The following C11orf65 variants were observed in gnomAD, a reference collection of about 807,000 sequenced individuals.
C11orf65 encodes protein MFI.
C11orf65 carries 38 observed loss-of-function variants against 35.3 expected under a neutral mutation model. The ratio of observed to expected loss-of-function variants is 1.08; its 90% CI spans 0.83 to 1.41. The LOEUF is 1.41. Ranked by LOEUF, C11orf65 falls within the 40% of genes most tolerant of loss-of-function variation. The probability of loss-of-function intolerance (pLI) is 0.00; values close to 1 mark genes in which losing one functional copy is unlikely to be tolerated. For missense variants in C11orf65, 370 were observed against 367.1 expected, an observed-to-expected ratio of 1.01 and a Z score of -0.06; for synonymous variants, 105 against 114.4, an observed-to-expected ratio of 0.92 and a Z score of 0.53.
downstream of C11orf65, among the ~76,000 whole-genome samples, chr11:108,330,675 G>A (rs2086160230): frequency 6.6e-6 from 1 of 152,198 alleles, no homozygotes; most frequent in Admixed American, 6.5e-5. Flanking sequence ...TTTGTGTGGA[G>A]GTGATAGAAT....
At chr11:108,326,282 T>G (rs545583672) in intron 6 of C11orf65, 7 of 1,588,854 alleles carry the variant, frequency 4.4e-6, no homozygotes, top group African/African-American at 2.7e-5. Context: ...AAAACACAAA[T>G]GTACTTTAAA....
chr11:108,362,491 C>T (rs1260752723), intron 2 of C11orf65, among the ~76,000 whole-genome samples: 1 of 150,050 alleles, frequency 6.7e-6, no homozygotes, highest in Non-Finnish European at 1.5e-5. Flanking sequence ...TATAAAGACA[C>T]ATGCACACGT....
intron 2 of C11orf65, among the ~76,000 whole-genome samples, chr11:108,364,406 A>G (rs2091117877): frequency 6.6e-6 from 1 of 152,192 alleles, no homozygotes; most frequent in Non-Finnish European, 1.5e-5. Flanking sequence ...CTCACTTTCT[A>G]AAATTTACGA....
intron 2 of C11orf65, among the ~76,000 whole-genome samples, chr11:108,459,943 T>G (rs989895537): frequency 1.3e-5 from 2 of 152,106 alleles, no homozygotes; most frequent in African/African-American, 4.8e-5. Flanking sequence ...GATGTGTATG[T>G]CAATCAAAAC....
chr11:108,439,240 T>A (rs1487805709), intron 2 of C11orf65, among the ~76,000 whole-genome samples: 2 of 152,078 alleles, frequency 1.3e-5, no homozygotes, highest in Non-Finnish European at 1.5e-5. Context: ...ATGATCAATA[T>A]CACTAGTCAT....
At chr11:108,462,898 TTTC>T (rs1218961203) in intron 1 of C11orf65, among the ~76,000 whole-genome samples, 1 of 152,154 alleles carries the variant, frequency 6.6e-6, no homozygotes, top group Admixed American at 6.6e-5. Flanking sequence ...GGCAGGAGGA[TTTC>T]TTGAGGCCAG....
intron 6 of C11orf65, among the ~76,000 whole-genome samples, chr11:108,317,675 T>C (rs1241585666): frequency 7.8e-6 from 1 of 127,614 alleles, no homozygotes; most frequent in Admixed American, 7.9e-5. Context: ...ACACACACAC[T>C]ATATATATAT....
intron 2 of C11orf65, chr11:108,365,283 A>T (rs758662688): frequency 1.2e-6 from 2 of 1,614,044 alleles, no homozygotes; most frequent in African/African-American, 2.7e-5. Flanking sequence ...CAAGGCCTTT[A>T]AACTGTTCAC....
At chr11:108,380,432 A>T (rs540178946), downstream of C11orf65, among the ~76,000 whole-genome samples, 3 of 152,364 alleles carry the variant, frequency 2.0e-5, no homozygotes, top group Admixed American at 6.5e-5. Context: ...GGGAAATGTC[A>T]TAACAATTGA....
At chr11:108,324,598 T>C (rs1306878214) in intron 6 of C11orf65, among the ~76,000 whole-genome samples, 1 of 152,168 alleles carries the variant, frequency 6.6e-6, no homozygotes, top group Non-Finnish European at 1.5e-5. Flanking sequence ...CTAGCATTTT[T>C]GTTACTGTTC....
intron 3 of C11orf65, among the ~76,000 whole-genome samples, chr11:108,422,850 C>G (rs894649634): frequency 1.3e-5 from 2 of 151,378 alleles, no homozygotes. Flanking sequence ...CCATGGGACT[C>G]CAGCCTGGGC....
At chr11:108,353,759 AC>A (rs2089489556) in intron 2 of C11orf65, 1 of 1,589,274 alleles carries the variant, frequency 6.3e-7, no homozygotes, top group South Asian at 1.1e-5. Flanking sequence ...TGTATTCTTT[AC>A]TTTAGGTGTT....
chr11:108,389,925 A>T (rs1163604310), intron 7 of C11orf65, among the ~76,000 whole-genome samples: 1 of 151,132 alleles, frequency 6.6e-6, no homozygotes, highest in Non-Finnish European at 1.5e-5. Context: ...CGATCTCCTG[A>T]CCTCAAGATC....
At chr11:108,461,377 G>T in intron 2 of C11orf65, 102 bp downstream of exon 2, 4 of 881,224 alleles carry the variant, frequency 4.5e-6, no homozygotes, top group Non-Finnish European at 7.2e-6. Flanking sequence ...TCCAGCCTAG[G>T]CAACAGAGAG....
chr11:108,423,225 G>A (rs999112704), intron 3 of C11orf65, among the ~76,000 whole-genome samples: 3 of 152,034 alleles, frequency 2.0e-5, no homozygotes, highest in South Asian at 2.1e-4. Context: ...GAATGCCAGC[G>A]AGACAGACCC....
intron 3 of C11orf65, chr11:108,332,181 A>G (rs1388672240): frequency 9.4e-7 from 1 of 1,060,122 alleles, no homozygotes; most frequent in Non-Finnish European, 1.4e-6. Flanking sequence ...TAATCCCAGC[A>G]CTTTGGGAGG....
chr11:108,362,634 T>G (rs1288159310), intron 2 of C11orf65, among the ~76,000 whole-genome samples: 1 of 148,594 alleles, frequency 6.7e-6, no homozygotes, highest in East Asian at 2.0e-4. Context: ...AAATGATGAG[T>G]TCATGTCCTT....
intron 2 of C11orf65, 50 bp downstream of exon 2, chr11:108,461,429 A>C: frequency 3.5e-6 from 5 of 1,424,092 alleles, no homozygotes; most frequent in Non-Finnish European, 3.9e-6. Context: ...TACACTTTAA[A>C]TTTTATGACA....
intron 6 of C11orf65, among the ~76,000 whole-genome samples, chr11:108,323,680 T>C (rs1452550763): frequency 6.6e-6 from 1 of 152,178 alleles, no homozygotes; most frequent in Non-Finnish European, 1.5e-5. Context: ...TGTACAACTA[T>C]TATGTATCCA....
Sources: gnomAD v4.1 joint callset for allele counts (sites outside exome capture counted in the v4.1 genomes callset) on GRCh38, gnomAD v4.1.1 for gene constraint, MANE v1.5 for transcripts, NCBI Gene and HGNC (gene_info 2026-07-23, HGNC 2026-07-21) for gene names.